The following PIP4K2C variants were observed in gnomAD, a reference collection of about 807,000 sequenced individuals.
PIP4K2C encodes the protein phosphatidylinositol 5-phosphate 4-kinase type-2 gamma.
PIP4K2C carries 21 observed loss-of-function variants against 45.0 expected under a neutral mutation model. That is an observed-to-expected ratio of 0.47 (90% confidence interval 0.33 to 0.67). PIP4K2C has a LOEUF of 0.67. Among genes scored for constraint, PIP4K2C ranks in the 30% least tolerant of loss-of-function variants. The pLI is 0.02. For synonymous variants in PIP4K2C, 201 were observed against 204.8 expected (o/e 0.98, Z 0.16); for missense variants, 456 against 542.8 (o/e 0.84, Z 1.59).
chr12:57,592,203 A>G (rs1320602375), intron 1 of PIP4K2C, among the ~76,000 whole-genome samples: 1 of 152,114 alleles, frequency 6.6e-6, no homozygotes, highest in Non-Finnish European at 1.5e-5. Flanking sequence ...ATGGTGGTGA[A>G]CTTTTGAAGC....
In PIP4K2C at chr12:57,591,409, G is replaced by C. The variant is rs765448770; in HGVS notation, c.120G>C (p.Val40=). ...ATTTCGTGCAGCAGAAGGTGAAGGT[G>C]TTCCGGGCGGCCGACCCGCTGGTGG... The part of the protein sequence containing the change: ...KKHFVQQKVK[V]FRAADPLVGV... The change falls in exon 1 of 10, where the codon GTG becomes GTC. Residue 40 remains valine, a synonymous_variant. Transcript: ENST00000354947. 2 of 1,613,758 alleles carry C rather than the reference G, an allele frequency of 1.2e-6. No individual in the cohort carries two copies. Among genetic ancestry groups the C allele is most frequent in the South Asian group, 2.2e-5 (2 of 91,050 alleles).
intron 2 of PIP4K2C, 131 bp from the exon 3 acceptor site, chr12:57,594,995 T>TA (rs560419371): frequency 3.7e-4 from 223 of 595,854 alleles, no homozygotes; most frequent in Middle Eastern, 8.7e-4. Flanking sequence ...AAATAAAAAT[T>TA]AAAAAAAAAG....
At chr12:57,591,494 T>G in intron 1 of PIP4K2C, 31 bp downstream of exon 1, 1 of 1,558,376 alleles carries the variant, frequency 6.4e-7, no homozygotes, top group Non-Finnish European at 8.7e-7. Context: ...CCCGCAGCCC[T>G]GTCCAAACCC....
In PIP4K2C at chr12:57,591,417, C is replaced by A. The variant is rs763418651; in HGVS notation, c.128C>A (p.Ala43Glu). 1 of 1,613,692 alleles carries A rather than the reference C, an allele frequency of 6.2e-7. No homozygotes were observed. The highest frequency in any genetic ancestry group is 2.2e-5 in the East Asian group (1 of 44,824). Reference protein sequence around the residue: ...FVQQKVKVFRAADPLVGVFLW... With the variant: ...FVQQKVKVFREADPLVGVFLW... ...CAGCAGAAGGTGAAGGTGTTCCGGG[C>A]GGCCGACCCGCTGGTGGGTGTGTTC... The change falls in exon 1 of 10, where the codon GCG becomes GAG. Residue 43 changes from alanine to glutamate, a missense_variant. Physicochemically the swap from Ala to Glu is moderately radical, Grantham distance 107. Around this residue, in one of 2 missense-constraint regions of PIP4K2C, gnomAD observed 421 missense variants for 473.1 expected, o/e 0.89. Coordinates refer to ENST00000354947, the MANE Select transcript of PIP4K2C (RefSeq NM_024779.5).
In PIP4K2C at chr12:57,601,250, C is replaced by T; in HGVS notation, c.1087C>T (p.Pro363Ser). ...ATTGTTGGTCTCTCTCCCAGGAGCC[C>T]CCCAGAAGGAGGTCTACTTCATGGG... ...VYAIRSAEGA[P>S]QKEVYFMGLI... The change falls in exon 9 of 10, where the codon CCC becomes TCC. Residue 363 changes from proline (P) to serine (S), a missense_variant. Physicochemically the swap from Pro to Ser is moderately conservative, Grantham distance 74. Transcript: ENST00000354947. 3 of 1,611,966 alleles carry T rather than the reference C, an allele frequency of 1.9e-6. No homozygotes were observed. Among genetic ancestry groups the T allele is most frequent in the South Asian group, 1.1e-5 (1 of 90,866 alleles).
At chr12:57,595,523 G>A (rs1400372732) in intron 3 of PIP4K2C, among the ~76,000 whole-genome samples, 1 of 152,036 alleles carries the variant, frequency 6.6e-6, no homozygotes, top group Admixed American at 6.5e-5. Flanking sequence ...TGGCCAACAT[G>A]GCAAAACCCT....
At chr12:57,592,358 G>A (rs1220881273) in intron 1 of PIP4K2C, among the ~76,000 whole-genome samples, 1 of 152,172 alleles carries the variant, frequency 6.6e-6, no homozygotes, top group African/African-American at 2.4e-5. Flanking sequence ...AATGTGACAC[G>A]GAATATTTTC....
rs1883513144 is a variant in PIP4K2C, at chr12:57,603,029, T to C, written c.*1423T>C. On this transcript the variant is annotated 3_prime_UTR_variant, in exon 10 of 10. Transcript: ENST00000354947. ...TGATGCAAAGCTGCTTTGCTCTGTA[T>C]CTGGCTGGACTGATCTGTCTCACAA... 6.6e-6 allele frequency: 1 copy of C among 152,308 alleles called. No homozygotes were observed. Among genetic ancestry groups the C allele is most frequent in the Non-Finnish European group, 1.5e-5 (1 of 68,038 alleles). 9.4% of individuals were successfully genotyped at this position (152,308 alleles called of 1,614,324 possible).
At chr12:57,598,448 G>A (rs1482364217) in intron 4 of PIP4K2C, among the ~76,000 whole-genome samples, 1 of 151,388 alleles carries the variant, frequency 6.6e-6, no homozygotes, top group Non-Finnish European at 1.5e-5. Flanking sequence ...TTGAACCTGG[G>A]AGGAGGCGGG....
chr12:57,601,449 CTGGGGTAGATTGGG>C (rs1883434540), intron 9 of PIP4K2C, 63 bp from the exon 10 acceptor site: 4 of 1,527,884 alleles, frequency 2.6e-6, no homozygotes, highest in Non-Finnish European at 2.7e-6. Flanking sequence ...TGGAGGTGGT[CTGGGGTAGATTGGG>C]TGGGGGTGAT....
chr12:57,600,285 A>G, intron 6 of PIP4K2C, 39 bp from the exon 7 acceptor site: 1 of 1,334,544 alleles, frequency 7.5e-7, no homozygotes. Flanking sequence ...ACCTTGGGGA[A>G]GGGATATGTT....
At chr12:57,598,133 A>G (rs1278681025) in intron 4 of PIP4K2C, 1 of 152,112 alleles carries the variant, frequency 6.6e-6, no homozygotes, top group East Asian at 1.9e-4. Context: ...CTGGTCTCAA[A>G]CTCCTGGGCT....
In PIP4K2C at chr12:57,591,330, C is replaced by T; in HGVS notation, c.41C>T (p.Ala14Val). 6.2e-7 allele frequency: 1 copy of T among 1,612,090 alleles called. No individual in the cohort carries two copies. The highest frequency in any genetic ancestry group is 8.5e-7 in the Non-Finnish European group (1 of 1,179,396). The stretch of plus-strand genomic sequence containing the variant: ...GTCCCACCAGCCACGGTATCGGCGG[C>T]GACAGCAGGCCCCGGCCCAGGTTTC... Reference protein sequence around the residue: ...SSVPPATVSAATAGPGPGFGF... With the variant: ...SSVPPATVSAVTAGPGPGFGF... Residue 14 changes from alanine to valine, a missense_variant, in exon 1 of 10, where the codon GCG becomes GTG. By Grantham distance (64) the Ala-to-Val change is moderately conservative. Coordinates refer to ENST00000354947, the MANE Select transcript of PIP4K2C (RefSeq NM_024779.5).
At position 57,591,251 on chromosome 12, in the gene PIP4K2C, C is replaced by T. The variant is rs532226150; in HGVS notation, c.-39C>T. On this transcript the variant is annotated 5_prime_UTR_variant, in exon 1 of 10. Transcript: ENST00000354947. ...CCGGGGTCGGGCGCCTGGATAGCTGCCGGCTCCGGCTTCCACTTGGTCGGT... is the reference window on the plus strand; with the variant it reads ...CCGGGGTCGGGCGCCTGGATAGCTGTCGGCTCCGGCTTCCACTTGGTCGGT... 2 of 1,567,480 alleles carry T rather than the reference C, an allele frequency of 1.3e-6. No individual in the cohort carries two copies. The highest frequency in any genetic ancestry group is 1.7e-6 in the Non-Finnish European group (2 of 1,152,318).
Position 57,600,966 on chromosome 12 carries a change from C to T in PIP4K2C, c.969C>T (p.Gly323=), listed in dbSNP as rs760633030. 4.3e-6 allele frequency: 7 copies of T among 1,614,068 alleles called. No individual in the cohort carries two copies. The highest frequency in any genetic ancestry group is 1.1e-5 in the South Asian group (1 of 91,078). The change falls in exon 8 of 10, where the codon GGC becomes GGT. Residue 323 remains glycine, a synonymous_variant. Coordinates refer to ENST00000354947, the MANE Select transcript of PIP4K2C (RefSeq NM_024779.5). ...TGACTGGACCTCCTGCTCTGGTGGG[C>T]TCCTATGGCACCTCCCCAGAGGGTA... ...CSLTGPPALV[G]SYGTSPEGIG...
At position 57,601,788 on chromosome 12, in the gene PIP4K2C, TC is replaced by T. The variant is rs2140195182; in HGVS notation, c.*184del. 1.7e-6 allele frequency: 1 copy of T among 605,408 alleles called. No individual in the cohort carries two copies. The highest frequency in any genetic ancestry group is 1.8e-5 in the African/African-American group (1 of 54,156). 37.5% of individuals were successfully genotyped at this position (605,408 alleles called of 1,614,324 possible). A position where few individuals can be genotyped will look rare whatever the true frequency, so the allele number is the denominator to read the frequency against. On this transcript the variant is annotated 3_prime_UTR_variant, in exon 10 of 10. Transcript: ENST00000354947. Reference sequence around the variant, plus strand: ...CTTTCTGACCCTCAGAAATACATTGTCCTTTTTCCTCTTTGCCCATTTTTCT... The same window carrying T: ...CTTTCTGACCCTCAGAAATACATTGTCTTTTTCCTCTTTGCCCATTTTTCT...
chr12:57,600,856 A>T lies in PIP4K2C; in HGVS notation c.859A>T (p.Ile287Phe), dbSNP rs1226942214. 2 of 1,614,218 alleles carry T rather than the reference A, an allele frequency of 1.2e-6. No homozygotes were observed. Among genetic ancestry groups the T allele is most frequent in the South Asian group, 2.2e-5 (2 of 91,086 alleles). ...CATGGACTACAGCCTTCTGCTAGGC[A>T]TCCACGACATCATTCGGGGCTCTGA... ...KIMDYSLLLG[I>F]HDIIRGSEPE... is the part of the protein sequence containing the mutation. The change falls in exon 8 of 10, where the codon ATC becomes TTC. Residue 287 changes from isoleucine (I) to phenylalanine (F), a missense_variant. Physicochemically the swap from Ile to Phe is conservative, Grantham distance 21. Transcript: ENST00000354947.
At chr12:57,595,838 C>T in intron 3 of PIP4K2C, 50 bp from the exon 4 acceptor site, 1 of 1,597,844 alleles carries the variant, frequency 6.3e-7, no homozygotes, top group East Asian at 2.2e-5. Flanking sequence ...TGACTTGTTT[C>T]TGCATATAAA....
chr12:57,599,049 C>G lies in PIP4K2C; in HGVS notation c.514-16C>G. The G allele has an allele frequency of 2.5e-6, 4 of 1,612,270 alleles. No individual in the cohort carries two copies. In the South Asian group the frequency reaches 4.4e-5, roughly 18 times the overall value. On this transcript the variant is annotated splice_polypyrimidine_tract_variant and intron_variant, in intron 4 of 9. Coordinates refer to ENST00000354947, the MANE Select transcript of PIP4K2C (RefSeq NM_024779.5). ...TACTCAGCCTCTCCCCATTCCTTCCCCCTCTTTCACTGTAGTACATTGTGA... is the reference window on the plus strand; with the variant it reads ...TACTCAGCCTCTCCCCATTCCTTCCGCCTCTTTCACTGTAGTACATTGTGA...
Sources: allele counts gnomAD v4.1 joint callset (sites outside exome capture counted in the v4.1 genomes callset), GRCh38; gene constraint gnomAD v4.1.1; regional missense constraint gnomAD v4.1.1; transcripts MANE v1.5; gene names NCBI Gene and HGNC (gene_info 2026-07-23, HGNC 2026-07-21).